MS4A1: variants seen among roughly 807,000 people sequenced by gnomAD.
MS4A1 encodes the protein membrane spanning 4-domains A1.
A neutral mutation model predicts 26.5 loss-of-function variants in MS4A1; 16 were observed. The observed-to-expected ratio is 0.60, with a 90% confidence interval of 0.41 to 0.92. MS4A1 has a LOEUF of 0.92. Among genes scored for constraint, MS4A1 ranks in the 40% least tolerant of loss-of-function variants. The pLI is 0.00. For missense variants in MS4A1, 350 were observed against 353.0 expected (o/e 0.99, Z 0.07); for synonymous variants, 128 against 117.6 (o/e 1.09, Z -0.57).
At position 60,466,920 on chromosome 11, in the gene MS4A1, T is replaced by C. The variant is rs370748418; in HGVS notation, c.574-39T>C. 2.6e-5 allele frequency: 41 copies of C among 1,568,474 alleles called. No homozygotes were observed. In the African/African-American group the frequency reaches 4.9e-4, roughly 19 times the overall value. ...AACACCAACAATGTTCTTTGTGCCA[T>C]TATTACATTTTCACCTTCATTCTTC... On this transcript the variant is annotated intron_variant, in intron 6 of 7. Transcript: ENST00000345732.
chr11:60,468,232 TTTAA>T lies in MS4A1; in HGVS notation c.676-15_676-12del. ...AGTGGTAAAAGTAAAGAATGGTTTG[TTTAA>T]TTTTCTGTTTTAGAACATAGTTCTC... On this transcript the variant is annotated splice_polypyrimidine_tract_variant and intron_variant, in intron 7 of 7. Transcript: ENST00000345732. 6.3e-7 allele frequency: 1 copy of T among 1,581,614 alleles called. No individual in the cohort carries two copies. The highest frequency in any genetic ancestry group is 8.7e-7 in the Non-Finnish European group (1 of 1,154,182).
rs1343328268 is a variant in MS4A1, at chr11:60,462,440, T to C, written c.66T>C (p.Ala22=). The part of the protein sequence containing the change: ...FPAEPMKGPI[A]MQSGPKPLFR... Reference sequence around the variant, plus strand: ...CAGAGCCAATGAAAGGCCCTATTGCTATGCAATCTGGTCCAAAACCACTCT... The same window carrying C: ...CAGAGCCAATGAAAGGCCCTATTGCCATGCAATCTGGTCCAAAACCACTCT... Residue 22 remains alanine (A), a synonymous_variant, in exon 3 of 8, where the codon GCT becomes GCC. Coordinates refer to ENST00000345732, the MANE Select transcript of MS4A1 (RefSeq NM_152866.3). 1.9e-6 allele frequency: 3 copies of C among 1,614,236 alleles called. No individual in the cohort carries two copies. In the Admixed American group the frequency reaches 5.0e-5, roughly 27 times the overall value.
intron 3 of MS4A1, 79 bp from the exon 4 acceptor site, chr11:60,462,923 C>A: frequency 1.3e-6 from 2 of 1,598,248 alleles, no homozygotes; most frequent in Non-Finnish European, 8.5e-7. Flanking sequence ...AAGTCAGGAG[C>A]CAGAGCTTCC....
intron 1 of MS4A1, among the ~76,000 whole-genome samples, chr11:60,457,703 C>A (rs769615719): frequency 6.6e-6 from 1 of 152,088 alleles, no homozygotes; most frequent in Non-Finnish European, 1.5e-5. Context: ...AGACACGAGG[C>A]CTGAGAAAAG....
At chr11:60,461,960 G>A (rs1309242491) in intron 2 of MS4A1, among the ~76,000 whole-genome samples, 5 of 152,096 alleles carry the variant, frequency 3.3e-5, no homozygotes, top group Non-Finnish European at 7.4e-5. Flanking sequence ...ATGCACAAAG[G>A]CAGATAAGCA....
intron 4 of MS4A1, chr11:60,463,703 A>C: frequency 2.3e-6 from 1 of 425,598 alleles, no homozygotes. Flanking sequence ...TAAGTCCAGG[A>C]TTAAAATTTT....
intron 3 of MS4A1, 143 bp downstream of exon 3, chr11:60,462,676 C>T: frequency 4.5e-6 from 5 of 1,116,300 alleles, no homozygotes; most frequent in South Asian, 4.1e-5. Context: ...ACACAGTGGG[C>T]CAAATCAGGG....
Position 60,456,531 on chromosome 11 carries a change from T to A in MS4A1, c.-280+586T>A, listed in dbSNP as rs115397756. Among the ~76,000 whole-genome samples, 953 of 152,284 alleles carry A rather than the reference T, an allele frequency of 6.3e-3. 16 individuals are homozygous for A. Among genetic ancestry groups the A allele is most frequent in the African/African-American group, 0.021 (878 of 41,554 alleles). On this transcript the variant is annotated intron_variant, in intron 1 of 7. Coordinates refer to ENST00000345732, the MANE Select transcript of MS4A1 (RefSeq NM_152866.3). ...AGGCTAACATTTTCTGGAGGGGATT[T>A]GTGGACACCAAGTTGAGCATGAAAT...
chr11:60,462,246 A>G lies in MS4A1; in HGVS notation c.-129A>G. On this transcript the variant is annotated 5_prime_UTR_variant, in exon 3 of 8. Transcript: ENST00000345732. ...CTCGGAAGAGGCCATGTCTACCCTC[A>G]ATGACACTCATGGAGGAAATGCTGA... 1.0e-6 allele frequency: 1 copy of G among 990,158 alleles called. No homozygotes were observed. 61.3% of individuals were successfully genotyped at this position (990,158 alleles called of 1,614,324 possible).
intron 4 of MS4A1, among the ~76,000 whole-genome samples, chr11:60,463,460 G>A (rs958201401): frequency 1.3e-5 from 2 of 152,186 alleles, no homozygotes; most frequent in Non-Finnish European, 2.9e-5. Context: ...AGAGGCAGCA[G>A]GAACATCCAC....
chr11:60,461,663 G>A (rs1054540462), intron 2 of MS4A1, among the ~76,000 whole-genome samples: 1 of 151,674 alleles, frequency 6.6e-6, no homozygotes, highest in African/African-American at 2.4e-5. Flanking sequence ...GGGATTACAG[G>A]TGCACACCAA....
At chr11:60,464,441 C>A in intron 5 of MS4A1, 97 bp downstream of exon 5, 1 of 1,039,262 alleles carries the variant, frequency 9.6e-7, no homozygotes, top group Non-Finnish European at 1.5e-6. Context: ...GTATCACAGC[C>A]TCTCAGCCCT....
Position 60,462,524 on chromosome 11 carries a change from G to GTC in MS4A1, c.150_151insTC (p.Thr51SerfsTer9). ...AAAGCTTCTTCATGAGGGAATCTAA[G>GTC]ACTTTGGGGGTAAGTCAGTTGCCTT... On this transcript the variant is annotated frameshift_variant, in exon 3 of 8. Coordinates refer to ENST00000345732, the MANE Select transcript of MS4A1 (RefSeq NM_152866.3). LOFTEE classifies it high-confidence loss of function. 1 of 1,614,158 alleles carries GTC rather than the reference G, an allele frequency of 6.2e-7. No individual in the cohort carries two copies. The highest frequency in any genetic ancestry group is 8.5e-7 in the Non-Finnish European group (1 of 1,180,024).
chr11:60,464,550 G>A (rs1190503687), intron 5 of MS4A1, among the ~76,000 whole-genome samples: 1 of 152,140 alleles, frequency 6.6e-6, no homozygotes, highest in Non-Finnish European at 1.5e-5. Flanking sequence ...AGAACTAAAA[G>A]CAGATCCATG....
Position 60,464,313 on chromosome 11 carries a change from C to T in MS4A1, c.305C>T (p.Ala102Val), listed in dbSNP as rs2086272839. The change falls in exon 5 of 8, where the codon GCA becomes GTA. Residue 102 changes from alanine (A) to valine (V), a missense_variant. Physicochemically the swap from Ala to Val is moderately conservative, Grantham distance 64 (BLOSUM62 0). Transcript: ENST00000345732. The part of the protein sequence containing the change: ...IMYIISGSLL[A>V]ATEKNSRKCL... The stretch of plus-strand genomic sequence containing the variant: ...TATATTATTTCCGGATCACTCCTGG[C>T]AGCAACGGAGAAAAACTCCAGGAAG... 1.2e-6 allele frequency: 2 copies of T among 1,610,482 alleles called. No homozygotes were observed. The highest frequency in any genetic ancestry group is 2.7e-5 in the African/African-American group (2 of 74,630).
chr11:60,467,346 T>C (rs1297060315), intron 7 of MS4A1, among the ~76,000 whole-genome samples: 1 of 151,634 alleles, frequency 6.6e-6, no homozygotes, highest in Non-Finnish European at 1.5e-5. Flanking sequence ...GGCGCGATCT[T>C]GGCCCAGTGC....
intron 5 of MS4A1, chr11:60,465,631 A>C: frequency 2.7e-6 from 1 of 373,484 alleles, no homozygotes; most frequent in South Asian, 3.3e-5. Context: ...TGGCAGTGGC[A>C]GTGAAGGAAA....
intron 5 of MS4A1, among the ~76,000 whole-genome samples, chr11:60,464,611 G>T (rs1413958715): frequency 6.6e-6 from 1 of 152,148 alleles, no homozygotes; most frequent in Non-Finnish European, 1.5e-5. Context: ...GAAAATAATA[G>T]ACCTTTCTGA....
rs548433840 is a variant in MS4A1 at position 60,461,456 on chromosome 11, T to G, written c.-191+296T>G. 2.0e-5 allele frequency among the ~76,000 whole-genome samples: 3 copies of G among 151,822 alleles called. No homozygotes were observed. In the East Asian group the frequency reaches 5.8e-4, roughly 30 times the overall value. On this transcript the variant is annotated intron_variant, in intron 2 of 7. Coordinates refer to ENST00000345732, the MANE Select transcript of MS4A1 (RefSeq NM_152866.3). ...TCAGAACAAATGGAGGAATCACTAT[T>G]GAAACCTAGGCAATCTGACTCAGGA... is the stretch of plus-strand genomic sequence containing the variant.
Sources: gnomAD v4.1 joint callset for allele counts (sites outside exome capture counted in the v4.1 genomes callset) on GRCh38, gnomAD v4.1.1 for gene constraint, MANE v1.5 for transcripts, NCBI Gene and HGNC (gene_info 2026-07-23, HGNC 2026-07-21) for gene names.